The following EVPL variants were observed in gnomAD, a reference collection of about 807,000 sequenced individuals.
The protein encoded by EVPL is 210 kDa cornified envelope precursor protein.
Under a neutral mutation model 129.7 loss-of-function variants are expected in EVPL, and 94 were observed. The ratio of observed to expected loss-of-function variants is 0.72; its 90% CI spans 0.61 to 0.86. The LOEUF is 0.86. Ranked by LOEUF, EVPL falls within the 40% of genes least tolerant of loss-of-function variation. The pLI is 0.00. For synonymous variants in EVPL, 1,172 were observed against 1,191.1 expected (o/e 0.98, Z 0.33); for missense variants, 2,625 against 2,721.1 (o/e 0.96, Z 0.79).
At chr17:76,016,416 C>G (rs1187660143) in intron 14 of EVPL, among the ~76,000 whole-genome samples, 1 of 152,226 alleles carries the variant, frequency 6.6e-6, no homozygotes, top group Non-Finnish European at 1.5e-5. Flanking sequence ...CCAGGCACCA[C>G]CCACCGCCCA....
Position 76,015,217 on chromosome 17 carries a change from G to A in EVPL, c.2028+10C>T, listed in dbSNP as rs368290546. The A allele has an allele frequency of 1.2e-5, 19 of 1,579,464 alleles. No individual in the cohort carries two copies. The African/African-American group carries it at 2.2e-4, about 18-fold the overall frequency. ...CCCCTGACACCAGGAGGCCCCGGCT[G>A]GTCCCTTACCTGCAGCTCGCTGACC... On this transcript the variant is annotated intron_variant, in intron 16 of 21. Coordinates refer to ENST00000301607, the MANE Select transcript of EVPL (RefSeq NM_001988.4).
chr17:76,017,669 C>T (rs2066426670), intron 14 of EVPL, 70 bp downstream of exon 14: 1 of 1,559,198 alleles, frequency 6.4e-7, no homozygotes, highest in Non-Finnish European at 8.6e-7. Flanking sequence ...CTTGCCTCAC[C>T]TCCCTCAAGT....
intron 1 of EVPL, among the ~76,000 whole-genome samples, chr17:76,025,207 T>A (rs1480254236): frequency 1.3e-5 from 2 of 152,200 alleles, no homozygotes; most frequent in Non-Finnish European, 2.9e-5. Context: ...ATTGTGAGCA[T>A]TAATTGAATT....
intron 12 of EVPL, 48 bp from the exon 13 acceptor site, chr17:76,018,306 TC>T: frequency 6.6e-7 from 1 of 1,519,878 alleles, no homozygotes; most frequent in Non-Finnish European, 8.9e-7. Context: ...TCTGCCTCTC[TC>T]CCTCCCCAGC....
chr17:76,014,181 G>A (rs1206679784), intron 18 of EVPL, among the ~76,000 whole-genome samples: 1 of 152,200 alleles, frequency 6.6e-6, no homozygotes, highest in Non-Finnish European at 1.5e-5. Context: ...GGCTTGATGA[G>A]CATGAGAAAG....
At position 76,019,591 on chromosome 17, in the gene EVPL, G is replaced by A; in HGVS notation, c.1074C>T (p.Ala358=). ...GGCCCCCAGGTGCAGGGCTGTACTTGGCATCCAAGTTGGAGTTGAGCTTCG... is the reference window on the plus strand; with the variant it reads ...GGCCCCCAGGTGCAGGGCTGTACTTAGCATCCAAGTTGGAGTTGAGCTTCG... ...TLAKLNSNLD[A]KYSPAPGGPP... is the part of the protein sequence containing the mutation. The change falls in exon 10 of 22, where the codon GCC becomes GCT. Residue 358 remains alanine (A), a synonymous_variant. Coordinates refer to ENST00000301607, the MANE Select transcript of EVPL (RefSeq NM_001988.4). 6.2e-7 allele frequency: 1 copy of A among 1,605,048 alleles called. No individual in the cohort carries two copies. The highest frequency in any genetic ancestry group is 8.5e-7 in the Non-Finnish European group (1 of 1,176,202).
Position 76,008,365 on chromosome 17 carries a change from GCAGCTGC to G in EVPL, c.4833_4839del (p.Gln1612ArgfsTer53), listed in dbSNP as rs2066340838. 2 of 1,601,960 alleles carry G rather than the reference GCAGCTGC, an allele frequency of 1.2e-6. No homozygotes were observed. Among genetic ancestry groups the G allele is most frequent in the South Asian group, 1.1e-5 (1 of 90,922 alleles). On this transcript the variant is annotated frameshift_variant, in exon 22 of 22. Coordinates refer to ENST00000301607, the MANE Select transcript of EVPL (RefSeq NM_001988.4). LOFTEE classifies it high-confidence loss of function. This position sits in a 1 kb window ranked among gnomAD's most constrained non-coding sequence, Gnocchi z 7.4. ...TGGCTGAGCAGCTTCGACTCCTCCT[GCAGCTGC>G]AGTGTCTGCTGCTGCTTCTGCCTCT...
In EVPL at chr17:76,008,158, A is replaced by G; in HGVS notation, c.5047T>C (p.Ser1683Pro). ...QETQTRETNL[S>P]TKISILEPET... is the part of the protein sequence containing the mutation. ...GGTTCCAGGATGGAGATCTTGGTGG[A>G]AAGGTTGGTCTCTCGCGTCTGGGTC... Residue 1683 changes from serine to proline, a missense_variant, in exon 22 of 22, where the codon TCC (serine) becomes CCC (proline). Transcript: ENST00000301607. The surrounding 1 kb of genome is among the most constrained non-coding windows in gnomAD (Gnocchi z 7.4). 1 of 1,613,920 alleles carries G rather than the reference A, an allele frequency of 6.2e-7. No individual in the cohort carries two copies. The highest frequency in any genetic ancestry group is 8.5e-7 in the Non-Finnish European group (1 of 1,179,954).
In EVPL at chr17:76,018,162, C is replaced by T. The variant is rs1235444806; in HGVS notation, c.1536G>A (p.Gln512=). The T allele has an allele frequency of 6.4e-7, 1 of 1,551,034 alleles. No homozygotes were observed. Residue 512 remains glutamine (Q), a splice_region_variant and synonymous_variant, in exon 13 of 22, where the codon CAG becomes CAA. Transcript: ENST00000301607. The part of the protein sequence containing the change: ...SAVESLRPSQ[Q]APSGSDLANP... ...CTCTCCCCGGGCCACCCTGGGTACC[C>T]TGCTGGCTGGGCCGAAGAGACTCCA...
intron 21 of EVPL, 31 bp from the exon 22 acceptor site, chr17:76,010,574 G>T (rs62090078): frequency 6.4e-6 from 10 of 1,574,212 alleles, no homozygotes; most frequent in Non-Finnish European, 8.6e-6. Context: ...AGAGCACGGG[G>T]TGGGCGGTAG....
chr17:76,015,010 A>C lies in EVPL; in HGVS notation c.2128T>G (p.Phe710Val). The C allele has an allele frequency of 6.3e-7, 1 of 1,596,470 alleles. No homozygotes were observed. Among genetic ancestry groups the C allele is most frequent in the Non-Finnish European group, 8.5e-7 (1 of 1,176,860 alleles). Residue 710 changes from phenylalanine to valine, a missense_variant, in exon 17 of 22, where the codon TTC becomes GTC. Phe to Val is a conservative substitution (Grantham distance 50). Around this residue, in one of 4 missense-constraint regions of EVPL, gnomAD observed 1,024 missense variants for 997.5 expected, o/e 1.03. Transcript: ENST00000301607. The stretch of plus-strand genomic sequence containing the variant: ...GGCAGGTCTTGGCAGAACTCCTGGA[A>C]GTTGTTCTGCAGGGCAGCGCATGCG... ...EHACAALQNNFQEFCQDLPRQ... is the reference protein window; with the variant it reads ...EHACAALQNNVQEFCQDLPRQ...
Position 76,009,802 on chromosome 17 carries a change from T to C in EVPL, c.3403A>G (p.Ile1135Val), listed in dbSNP as rs868026762. ...TCCACCTTCTTCACCTCCTTCACGA[T>C]GACCTTGGGCTCCACCGAGCTGATA... ...RAISSVEPKV[I>V]VKEVKKVEQD... Residue 1135 changes from isoleucine (I) to valine (V), a missense_variant, in exon 22 of 22, where the codon ATC (isoleucine) becomes GTC (valine). This residue lies in a region of EVPL where 1,453 missense variants were observed against 1,511.8 expected (regional missense o/e 0.96). Transcript: ENST00000301607. This position sits in a 1 kb window ranked among gnomAD's most constrained non-coding sequence, Gnocchi z 5.9. 6.2e-7 allele frequency: 1 copy of C among 1,613,790 alleles called. No individual in the cohort carries two copies. Among genetic ancestry groups the C allele is most frequent in the African/African-American group, 1.3e-5 (1 of 74,956 alleles).
Position 76,022,039 on chromosome 17 carries a change from G to C in EVPL, c.646-11C>G, listed in dbSNP as rs1210404338. ...CCACGACGCCGCCTTCTGTGCTCAG[G>C]ACCCGCCGCCAGCAGCAGGGTGGGG... On this transcript the variant is annotated splice_polypyrimidine_tract_variant and intron_variant, in intron 6 of 21. Coordinates refer to ENST00000301607, the MANE Select transcript of EVPL (RefSeq NM_001988.4). This position sits in a 1 kb window ranked among gnomAD's most constrained non-coding sequence, Gnocchi z 5.6. 2.6e-6 allele frequency: 4 copies of C among 1,553,680 alleles called. No individual in the cohort carries two copies. Among genetic ancestry groups the C allele is most frequent in the Non-Finnish European group, 3.5e-6 (4 of 1,156,596 alleles).
In EVPL at chr17:76,026,607, C is replaced by T. The variant is rs1164345781; in HGVS notation, c.98+494G>A. On this transcript the variant is annotated intron_variant, in intron 1 of 21. Transcript: ENST00000301607. ...CAGGAGGCAGCACAGCCCCTGCATCCCTACCCCAGGGATCCCACCCCGTCC... is the reference window on the plus strand; with the variant it reads ...CAGGAGGCAGCACAGCCCCTGCATCTCTACCCCAGGGATCCCACCCCGTCC... 5.3e-5 allele frequency among the ~76,000 whole-genome samples: 8 copies of T among 152,136 alleles called. No individual in the cohort carries two copies. In the East Asian group the frequency reaches 1.5e-3, roughly 29 times the overall value.
At chr17:76,017,014 A>C (rs535767799) in intron 14 of EVPL, among the ~76,000 whole-genome samples, 180 of 152,312 alleles carry the variant, frequency 1.2e-3, no homozygotes, top group African/African-American at 4.2e-3. Context: ...GGAGTTCGAC[A>C]TCAGCCTGGC....
chr17:76,026,871 G>T (rs1459823623), intron 1 of EVPL, among the ~76,000 whole-genome samples: 8 of 152,256 alleles, frequency 5.3e-5, no homozygotes, highest in Non-Finnish European at 1.2e-4. Flanking sequence ...GATGTAGGGA[G>T]CCCCAGGTCA....
rs1332563954 is a variant in EVPL at position 76,009,752 on chromosome 17, C to G, written c.3453G>C (p.Glu1151Asp). Residue 1151 changes from glutamate to aspartate, a missense_variant, in exon 22 of 22, where the codon GAG (glutamate) becomes GAC (aspartate). This residue lies in a region of EVPL where 1,453 missense variants were observed against 1,511.8 expected (regional missense o/e 0.96). Coordinates refer to ENST00000301607, the MANE Select transcript of EVPL (RefSeq NM_001988.4). The surrounding 1 kb of genome is among the most constrained non-coding windows in gnomAD (Gnocchi z 5.9). ...KVEQDPGLLQESSRLRSLLEE... is the reference protein window; with the variant it reads ...KVEQDPGLLQDSSRLRSLLEE... ...CGAGGAGGCTCCTCAGCCTGGAGGA[C>G]TCCTGGAGGAGCCCTGGGTCCTGCT... The G allele has an allele frequency of 1.3e-5, 21 of 1,613,710 alleles. No homozygotes were observed. Among genetic ancestry groups the G allele is most frequent in the Non-Finnish European group, 1.6e-5 (19 of 1,180,028 alleles).
In EVPL at chr17:76,022,075, T is replaced by G. The variant is rs1330535266; in HGVS notation, c.646-47A>C. On this transcript the variant is annotated intron_variant, in intron 6 of 21. Coordinates refer to ENST00000301607, the MANE Select transcript of EVPL (RefSeq NM_001988.4). This position sits in a 1 kb window ranked among gnomAD's most constrained non-coding sequence, Gnocchi z 5.6. ...AGCAGCAGGGTGGGGAGACAGAAAG[T>G]GGGGGGCAAAAGGCGCCATTGGGCC... 2 of 1,562,276 alleles carry G rather than the reference T, an allele frequency of 1.3e-6. No individual in the cohort carries two copies. Among genetic ancestry groups the G allele is most frequent in the Non-Finnish European group, 1.7e-6 (2 of 1,158,334 alleles).
rs199755125 is a variant in EVPL at position 76,008,557 on chromosome 17, G to T, written c.4648C>A (p.Arg1550=). Residue 1550 remains arginine, a synonymous_variant, in exon 22 of 22, where the codon CGG becomes AGG. Transcript: ENST00000301607. The surrounding 1 kb of genome is among the most constrained non-coding windows in gnomAD (Gnocchi z 7.4). ...CGTGCCTCCTCCTCCCGGGCCTGCC[G>T]GGCCGTGCGCTCCCTGTTGAGCATC... ...WEMLNRERTA[R]QAREEEARRL... The T allele has an allele frequency of 3.1e-6, 5 of 1,609,068 alleles. No homozygotes were observed. Among genetic ancestry groups the T allele is most frequent in the South Asian group, 2.2e-5 (2 of 91,066 alleles).
Sources: allele counts gnomAD v4.1 joint callset (sites outside exome capture counted in the v4.1 genomes callset), GRCh38; gene constraint gnomAD v4.1.1; regional missense constraint gnomAD v4.1.1; non-coding constraint Gnocchi (gnomAD v3.1); transcripts MANE v1.5; gene names NCBI Gene and HGNC (gene_info 2026-07-23, HGNC 2026-07-21).